The following NFIB variants were observed in gnomAD, a reference collection of about 807,000 sequenced individuals.
The protein encoded by NFIB is nuclear factor 1 B-type.
A neutral mutation model predicts 61.5 loss-of-function variants in NFIB; 11 were observed. The ratio of observed to expected loss-of-function variants is 0.18; its 90% CI spans 0.11 to 0.30. The LOEUF (loss-of-function observed/expected upper bound fraction) is 0.30, where lower values mean the gene tolerates loss of function less well. Among genes scored for constraint, NFIB ranks in the 10% least tolerant of loss-of-function variants. NFIB has a pLI of 1.00. For missense variants in NFIB, 471 were observed against 608.9 expected (o/e 0.77, Z 2.38); for synonymous variants, 260 against 216.5 (o/e 1.20, Z -1.76).
At chr9:14,420,185 G>A in the NFIB span, among the ~76,000 whole-genome samples, 1,399 of 152,064 alleles carry the variant, frequency 9.2e-3, 2 homozygotes, top group Non-Finnish European at 0.013. Context: ...GCTGGCACAC[G>A]CCTGCAATCC....
At chr9:14,102,366 A>C in intron 10 of NFIB, 4 of 1,426,168 alleles carry the variant, frequency 2.8e-6, no homozygotes, top group Non-Finnish European at 3.9e-6. Context: ...AACAAACACT[A>C]TAGCTCATGT....
At chr9:14,427,986 T>C in the NFIB span, among the ~76,000 whole-genome samples, 5 of 132,670 alleles carry the variant, frequency 3.8e-5, no homozygotes, top group East Asian at 5.2e-4. Flanking sequence ...ACTCTGTCAC[T>C]CAGGCCAGAA....
Position 14,086,790 on chromosome 9 carries a change from T to G in NFIB, c.*1519A>C, listed in dbSNP as rs1033559475. On this transcript the variant is annotated 3_prime_UTR_variant, in exon 11 of 11. Coordinates refer to ENST00000380953, the MANE Select transcript of NFIB (RefSeq NM_001190737.2). ...TTGTTGTATTTTTTTGTTTTTTTTT[T>G]TTTGTTTTTTGTTTTTTAGATTTCA... 4.8e-6 allele frequency: 1 copy of G among 206,710 alleles called. No individual in the cohort carries two copies. The highest frequency in any genetic ancestry group is 9.9e-6 in the Non-Finnish European group (1 of 101,042). 12.8% of individuals were successfully genotyped at this position (206,710 alleles called of 1,614,324 possible).
chr9:14,381,968 G>C (rs1450156774), intron 1 of NFIB, among the ~76,000 whole-genome samples: 1 of 152,198 alleles, frequency 6.6e-6, no homozygotes, highest in Non-Finnish European at 1.5e-5. Flanking sequence ...CAGCCTTTCA[G>C]GTCTGGCTTA....
chr9:14,410,319 C>A, the NFIB span, among the ~76,000 whole-genome samples: 1 of 152,130 alleles, frequency 6.6e-6, no homozygotes, highest in Non-Finnish European at 1.5e-5. Context: ...TCATATTTTG[C>A]CCCACTGTAG....
intron 1 of NFIB, among the ~76,000 whole-genome samples, chr9:14,343,964 T>C (rs1013693004): frequency 3.3e-5 from 5 of 151,660 alleles, no homozygotes; most frequent in Admixed American, 1.3e-4. Flanking sequence ...AAATACAAAA[T>C]AGGCCACCGT....
chr9:14,151,121 A>T (rs1359465163), intron 4 of NFIB, among the ~76,000 whole-genome samples: 2 of 152,110 alleles, frequency 1.3e-5, no homozygotes, highest in Non-Finnish European at 2.9e-5. Context: ...AGTAATAATA[A>T]CCGGACACAT....
At chr9:14,342,473 A>G (rs1401750401) in intron 1 of NFIB, among the ~76,000 whole-genome samples, 1 of 152,052 alleles carries the variant, frequency 6.6e-6, no homozygotes, top group African/African-American at 2.4e-5. Context: ...GAGGGAAGGG[A>G]AGGAAAGAAG....
At chr9:14,147,235 C>CAAG (rs763171419) in intron 5 of NFIB, among the ~76,000 whole-genome samples, 3 of 152,002 alleles carry the variant, frequency 2.0e-5, no homozygotes, top group Non-Finnish European at 4.4e-5. Context: ...TAAAGTAAAA[C>CAAG]AAGAGCTTTG....
At chr9:14,288,930 T>C (rs1433882047) in intron 2 of NFIB, among the ~76,000 whole-genome samples, 1 of 151,904 alleles carries the variant, frequency 6.6e-6, no homozygotes, top group Non-Finnish European at 1.5e-5. Context: ...CCTTGAAGGA[T>C]ATATTTTCAT....
At chr9:14,154,537 A>G (rs141190682) in intron 4 of NFIB, among the ~76,000 whole-genome samples, 155 of 152,274 alleles carry the variant, frequency 1.0e-3, no homozygotes, top group African/African-American at 3.4e-3. Context: ...CTGGAAAAAC[A>G]CATTAAGGTA....
intron 1 of NFIB, chr9:14,322,126 A>AT: frequency 8.4e-7 from 1 of 1,194,694 alleles, no homozygotes. Context: ...AGTCTTATGT[A>AT]TTTTTTAATT....
At chr9:14,181,160 T>C (rs907393145) in intron 2 of NFIB, among the ~76,000 whole-genome samples, 5 of 152,210 alleles carry the variant, frequency 3.3e-5, no homozygotes, top group Non-Finnish European at 5.9e-5. Context: ...CCTGGTTATT[T>C]ATTTCTGCCC....
chr9:14,239,402 T>C (rs1184532959), intron 2 of NFIB, among the ~76,000 whole-genome samples: 1 of 152,194 alleles, frequency 6.6e-6, no homozygotes, highest in South Asian at 2.1e-4. Context: ...AGAGGTATAC[T>C]TAACATACAA....
chr9:14,457,578 G>GT, the NFIB span, among the ~76,000 whole-genome samples: 106,601 of 148,074 alleles, frequency 0.72, 38,563 homozygotes, highest in East Asian at 0.86. Context: ...CCAGGAGCTG[G>GT]TTTTTTTTTT....
chr9:14,290,745 G>A (rs564669596), intron 2 of NFIB, among the ~76,000 whole-genome samples: 1 of 152,152 alleles, frequency 6.6e-6, no homozygotes, highest in Non-Finnish European at 1.5e-5. Context: ...ACAAGCCTCA[G>A]TAAAAAGGAG....
At chr9:14,293,692 A>G (rs2059245298) in intron 2 of NFIB, among the ~76,000 whole-genome samples, 1 of 152,234 alleles carries the variant, frequency 6.6e-6, no homozygotes, top group African/African-American at 2.4e-5. Flanking sequence ...CTCTAGGATT[A>G]GTAGACAGCC....
rs75558531 is a variant in NFIB at position 14,132,325 on chromosome 9, C to T, written c.926-6559G>A. 0.013 allele frequency among the ~76,000 whole-genome samples: 2,014 copies of T among 152,212 alleles called. 125 individuals are homozygous for T. In the East Asian group the frequency reaches 0.2, roughly 15 times the overall value. On this transcript the variant is annotated intron_variant, in intron 6 of 10. Transcript: ENST00000380953. ...TTGTCTTCCTTATTTACATGCCATA[C>T]TTGTAACTTGTAAACAAGTCTAAAT...
At chr9:14,472,017 G>C in the NFIB span, among the ~76,000 whole-genome samples, 1 of 152,260 alleles carries the variant, frequency 6.6e-6, no homozygotes, top group East Asian at 1.9e-4. Context: ...TTGCTCTTTA[G>C]ACTGCCCTTG....
Sources: gnomAD v4.1 joint callset for allele counts (sites outside exome capture counted in the v4.1 genomes callset) on GRCh38, gnomAD v4.1.1 for gene constraint, MANE v1.5 for transcripts, NCBI Gene and HGNC (gene_info 2026-07-23, HGNC 2026-07-21) for gene names.